FHIP2B: variants seen among roughly 807,000 people sequenced by gnomAD.
FHIP2B encodes FHF complex subunit HOOK-interacting protein 2B.
A neutral mutation model predicts 84.0 loss-of-function variants in FHIP2B; 72 were observed. That is an observed-to-expected ratio of 0.86 (90% CI 0.71 to 1.04). The LOEUF (loss-of-function observed/expected upper bound fraction) is 1.04, where lower values mean the gene tolerates loss of function less well. Ranked by LOEUF, FHIP2B falls within the 50% of genes least tolerant of loss-of-function variation. FHIP2B has a pLI of 0.00. For synonymous variants in FHIP2B, 497 were observed against 418.7 expected, an observed-to-expected ratio of 1.19 and a Z score of -2.28; for missense variants, 972 against 968.9, an observed-to-expected ratio of 1.00 and a Z score of -0.04.
At position 22,098,247 on chromosome 8, in the gene FHIP2B, G is replaced by A. The variant is rs1825898490; in HGVS notation, c.705G>A (p.Glu235=). ...LNSHMPAETE[E]LDGGTTESNL... is the part of the protein sequence containing the mutation. ...GCCACATGCCTGCTGAGACCGAGGA[G>A]CTGGACGGTGGGACCACAGAGAGCA... Residue 235 remains glutamate (E), a synonymous_variant, in exon 6 of 17, where the codon GAG becomes GAA. Coordinates refer to ENST00000289921, the MANE Select transcript of FHIP2B (RefSeq NM_022749.7). 4 of 1,594,042 alleles carry A rather than the reference G, an allele frequency of 2.5e-6. No individual in the cohort carries two copies. Among genetic ancestry groups the A allele is most frequent in the Non-Finnish European group, 3.4e-6 (4 of 1,170,902 alleles).
At chr8:22,100,516 T>A (rs1586341341) in intron 10 of FHIP2B, 78 bp from the exon 11 acceptor site, 1 of 1,418,080 alleles carries the variant, frequency 7.1e-7, no homozygotes, top group South Asian at 1.7e-5. Context: ...TCTTTTCTTA[T>A]CTGGGTTAGC....
chr8:22,089,866 G>C, intron 1 of FHIP2B: 1 of 1,267,754 alleles, frequency 7.9e-7, no homozygotes, highest in Non-Finnish European at 1.0e-6. Context: ...TAAAGACCCG[G>C]GGCAGGCTGG....
Position 22,101,549 on chromosome 8 carries a change from C to T in FHIP2B, c.1707+19C>T, listed in dbSNP as rs1244081774. On this transcript the variant is annotated intron_variant, in intron 13 of 16. Coordinates refer to ENST00000289921, the MANE Select transcript of FHIP2B (RefSeq NM_022749.7). ...TGGCCTGGTGAGTGGCTCCTGCTAC[C>T]AGCTCCCACTTCCTGTCCTTCAGAA... is the stretch of plus-strand genomic sequence containing the variant. 2.5e-6 allele frequency: 4 copies of T among 1,604,508 alleles called. No homozygotes were observed. In the South Asian group the frequency reaches 3.3e-5, roughly 13 times the overall value.
chr8:22,093,362 A>T (rs1825594631), intron 1 of FHIP2B, among the ~76,000 whole-genome samples: 4 of 152,156 alleles, frequency 2.6e-5, no homozygotes. Flanking sequence ...TTTCAGGGAA[A>T]GTGATTGTTC....
chr8:22,098,587 A>G lies in FHIP2B; in HGVS notation c.933A>G (p.Ala311=). Residue 311 remains alanine (A), a synonymous_variant, in exon 7 of 17, where the codon GCA becomes GCG. Coordinates refer to ENST00000289921, the MANE Select transcript of FHIP2B (RefSeq NM_022749.7). The stretch of plus-strand genomic sequence containing the variant: ...CCATGCCTGTCTTCCTGGACCCCGC[A>G]GACATTGCCACCTTAGAGGGCATCA... ...YRSMPVFLDP[A]DIATLEGISW... is the part of the protein sequence containing the mutation. The G allele has an allele frequency of 3.7e-6, 6 of 1,601,728 alleles. No homozygotes were observed. The highest frequency in any genetic ancestry group is 3.4e-6 in the Non-Finnish European group (4 of 1,174,374).
In FHIP2B at chr8:22,102,258, G is replaced by A. The variant is rs1826164126; in HGVS notation, c.1935G>A (p.Leu645=). ...FPHPHIHEYL[L]DPYISLAPGC... is the part of the protein sequence containing the mutation. The stretch of plus-strand genomic sequence containing the variant: ...ACCCCCATATTCATGAGTACCTGCT[G>A]GATCCGTACATCAGCCTGGCCCCCG... The change falls in exon 15 of 17, where the codon CTG becomes CTA. Residue 645 remains leucine, a synonymous_variant. Transcript: ENST00000289921. 3 of 1,613,220 alleles carry A rather than the reference G, an allele frequency of 1.9e-6. No individual in the cohort carries two copies. Among genetic ancestry groups the A allele is most frequent in the Admixed American group, 1.7e-5 (1 of 60,020 alleles).
chr8:22,091,376 T>C (rs1825485023), intron 1 of FHIP2B, among the ~76,000 whole-genome samples: 1 of 151,556 alleles, frequency 6.6e-6, no homozygotes, highest in Non-Finnish European at 1.5e-5. Flanking sequence ...CCTGAGTAGC[T>C]GGGACTACAG....
chr8:22,091,304 T>A (rs997461440), intron 1 of FHIP2B, among the ~76,000 whole-genome samples: 8 of 143,220 alleles, frequency 5.6e-5, no homozygotes, highest in African/African-American at 2.1e-4. Context: ...CAGGCTGGAG[T>A]GCAGTGGGGC....
In FHIP2B at chr8:22,097,524, A is replaced by G. The variant is rs371276405; in HGVS notation, c.306A>G (p.Pro102=). Reference sequence around the variant, plus strand: ...TCTGTCCCTGGCCTCAGTACCCCCCAGGCATGCGGCAGCAGGTGTTCCAGT... The same window carrying G: ...TCTGTCCCTGGCCTCAGTACCCCCCGGGCATGCGGCAGCAGGTGTTCCAGT... The part of the protein sequence containing the change: ...LCTLGKAEYP[P]GMRQQVFQFF... Residue 102 remains proline (P), a synonymous_variant, in exon 4 of 17, where the codon CCA becomes CCG. Transcript: ENST00000289921. 2.5e-5 allele frequency: 40 copies of G among 1,604,910 alleles called. No homozygotes were observed. Among genetic ancestry groups the G allele is most frequent in the Non-Finnish European group, 3.3e-5 (39 of 1,176,614 alleles).
At position 22,099,787 on chromosome 8, in the gene FHIP2B, C is replaced by T; in HGVS notation, c.1235C>T (p.Ala412Val). Residue 412 changes from alanine to valine, a missense_variant, in exon 10 of 17, where the codon GCC (alanine) becomes GTC (valine). Ala to Val is a moderately conservative substitution (Grantham distance 64). Transcript: ENST00000289921. ...QLRSPALLRE[A>V]VAFLLGTDRQ... ...CGCTCCCCTGCGCTGCTGCGGGAGG[C>T]CGTGGCTTTCCTCCTGGGCACAGAC... 1 of 1,612,622 alleles carries T rather than the reference C, an allele frequency of 6.2e-7. No individual in the cohort carries two copies. Among genetic ancestry groups the T allele is most frequent in the South Asian group, 1.1e-5 (1 of 91,018 alleles).
rs1461237491 is a variant in FHIP2B at position 22,101,709 on chromosome 8, TC to T, written c.1711del (p.Gln571ArgfsTer14). ...CCTCTACTTTCCCGCCTGTCTCAGT[TC>T]CAGGAGTGCAGCTCCCGCGTCGCCT... ...DTYVHDAYGLFQECSSRVASW... is the reference protein window; with the variant it reads ...DTYVHDAYGLXQECSSRVASW... On this transcript the variant is annotated frameshift_variant and splice_region_variant, in exon 14 of 17. Transcript: ENST00000289921. LOFTEE classifies it high-confidence loss of function. The T allele has an allele frequency of 3.1e-6, 5 of 1,610,010 alleles. No homozygotes were observed. The highest frequency in any genetic ancestry group is 3.3e-5 in the Admixed American group (2 of 59,720).
chr8:22,091,147 G>A (rs893024746), intron 1 of FHIP2B, among the ~76,000 whole-genome samples: 7 of 150,784 alleles, frequency 4.6e-5, no homozygotes, highest in African/African-American at 1.7e-4. Context: ...TGGTCACCAA[G>A]TGTGATCCTA....
intron 5 of FHIP2B, 30 bp downstream of exon 5, chr8:22,097,869 GA>G: frequency 6.2e-7 from 1 of 1,607,262 alleles, no homozygotes; most frequent in Non-Finnish European, 8.5e-7. Context: ...ACAGGAGGGG[GA>G]GGGCCCAGAA....
Position 22,091,240 on chromosome 8 carries a change from CTTTTTTTTTTTTT to C in FHIP2B, c.45+1959_45+1971del, listed in dbSNP as rs71204535. ...TCTAACAGATTAGGAATCATTACAG[CTTTTTTTTTTTTT>C]TTTTTTTTTTTTTTTTAAGATGGAG... On this transcript the variant is annotated intron_variant, in intron 1 of 16. Transcript: ENST00000289921. Among the ~76,000 whole-genome samples the C allele has an allele frequency of 6.0e-3, 711 of 117,724 alleles. 15 individuals are homozygous for C. Among genetic ancestry groups the C allele is most frequent in the African/African-American group, 0.018 (600 of 32,784 alleles). The allele number at this position is 117,724 out of a possible 152,430, so 77.2% of individuals were successfully genotyped here.
rs999483423 is a variant in FHIP2B, at chr8:22,089,270, G to T, written c.17G>T (p.Gly6Val). MLSRL[G>V]ALLQEAVGAR... is the part of the protein sequence containing the mutation. ...GGCGCCATCATGCTGAGCCGGCTCG[G>T]GGCGCTGCTGCAGGAAGCCGTGGGG... Residue 6 changes from glycine (G) to valine (V), a missense_variant, in exon 1 of 17, where the codon GGG (glycine) becomes GTG (valine). Coordinates refer to ENST00000289921, the MANE Select transcript of FHIP2B (RefSeq NM_022749.7). 1.9e-6 allele frequency: 2 copies of T among 1,050,420 alleles called. No individual in the cohort carries two copies. The highest frequency in any genetic ancestry group is 7.3e-5 in the East Asian group (1 of 13,744). The allele number at this position is 1,050,420 out of a possible 1,614,324, so 65.1% of individuals were successfully genotyped here.
In FHIP2B at chr8:22,099,787, C is replaced by G; in HGVS notation, c.1235C>G (p.Ala412Gly). 1 of 1,612,622 alleles carries G rather than the reference C, an allele frequency of 6.2e-7. No homozygotes were observed. The highest frequency in any genetic ancestry group is 1.7e-4 in the Middle Eastern group (1 of 5,780). The change falls in exon 10 of 17, where the codon GCC becomes GGC. Residue 412 changes from alanine (A) to glycine (G), a missense_variant. Ala to Gly is a moderately conservative substitution (Grantham distance 60). Transcript: ENST00000289921. ...QLRSPALLREAVAFLLGTDRQ... is the reference protein window; with the variant it reads ...QLRSPALLREGVAFLLGTDRQ... Reference sequence around the variant, plus strand: ...CGCTCCCCTGCGCTGCTGCGGGAGGCCGTGGCTTTCCTCCTGGGCACAGAC... The same window carrying G: ...CGCTCCCCTGCGCTGCTGCGGGAGGGCGTGGCTTTCCTCCTGGGCACAGAC...
Position 22,094,422 on chromosome 8 carries a change from T to C in FHIP2B, c.46-18T>C, listed in dbSNP as rs1241304522. The C allele has an allele frequency of 1.3e-6, 2 of 1,586,580 alleles. No individual in the cohort carries two copies. The highest frequency in any genetic ancestry group is 1.7e-6 in the Non-Finnish European group (2 of 1,169,328). On this transcript the variant is annotated intron_variant, in intron 1 of 16. Transcript: ENST00000289921. The stretch of plus-strand genomic sequence containing the variant: ...GCCTTTGTGGCCCCCACTGAGGTTG[T>C]GTGTCTGCCCTCCGCAGCGCGAGCC...
At chr8:22,102,349 G>A (rs36025727) in intron 15 of FHIP2B, 34 bp downstream of exon 15, 49,087 of 1,607,062 alleles carry the variant, frequency 0.031, 954 homozygotes, top group Non-Finnish European at 0.037. Flanking sequence ...AGTGTGCCTA[G>A]TGAGGTGGAG....
intron 1 of FHIP2B, among the ~76,000 whole-genome samples, chr8:22,093,120 G>A (rs1306582022): frequency 2.0e-5 from 3 of 152,086 alleles, no homozygotes; most frequent in Admixed American, 6.6e-5. Flanking sequence ...CACTGGAGAG[G>A]GCTTGGTGGA....
Sources: gnomAD v4.1 joint callset for allele counts (sites outside exome capture counted in the v4.1 genomes callset) on GRCh38, gnomAD v4.1.1 for gene constraint, MANE v1.5 for transcripts, NCBI Gene and HGNC (gene_info 2026-07-23, HGNC 2026-07-21) for gene names.